The following KIAA0825 variants were observed in gnomAD, a reference collection of about 807,000 sequenced individuals.
KIAA0825 encodes the protein KIAA0825.
Under a neutral mutation model 147.6 loss-of-function variants are expected in KIAA0825, and 119 were observed. The ratio of observed to expected loss-of-function variants is 0.81; its 90% CI spans 0.69 to 0.94. KIAA0825 has a LOEUF of 0.94. Ranked by LOEUF, KIAA0825 falls within the 40% of genes least tolerant of loss-of-function variation. KIAA0825 has a pLI of 0.00. For missense variants in KIAA0825, 1,381 were observed against 1,472.7 expected (o/e 0.94, Z 1.02); for synonymous variants, 470 against 518.1 (o/e 0.91, Z 1.26).
At chr5:94,476,045 T>G (rs561633220) in intron 7 of KIAA0825, among the ~76,000 whole-genome samples, 1 of 152,322 alleles carries the variant, frequency 6.6e-6, no homozygotes, top group Non-Finnish European at 1.5e-5. Flanking sequence ...GAATCTCTAT[T>G]TCTATTATTT....
At chr5:94,365,397 C>T (rs1475969896) in intron 20 of KIAA0825, among the ~76,000 whole-genome samples, 2 of 152,198 alleles carry the variant, frequency 1.3e-5, no homozygotes, top group Non-Finnish European at 2.9e-5. Flanking sequence ...TAATACCAGT[C>T]TCTGAAGGCA....
chr5:94,287,577 C>G (rs1476538126), intron 20 of KIAA0825, among the ~76,000 whole-genome samples: 1 of 152,014 alleles, frequency 6.6e-6, no homozygotes, highest in Non-Finnish European at 1.5e-5. Flanking sequence ...TTGTATATTG[C>G]TTGTGTTAAA....
At chr5:94,446,400 A>C (rs1757730961) in intron 13 of KIAA0825, among the ~76,000 whole-genome samples, 1 of 152,198 alleles carries the variant, frequency 6.6e-6, no homozygotes, top group Non-Finnish European at 1.5e-5. Context: ...AAATGCTATT[A>C]GAAGTTGTAG....
At chr5:94,538,278 T>C (rs1772507134) in intron 2 of KIAA0825, among the ~76,000 whole-genome samples, 1 of 152,230 alleles carries the variant, frequency 6.6e-6, no homozygotes, top group Non-Finnish European at 1.5e-5. Context: ...TGAGCTATTT[T>C]ATTTAGGAAT....
intron 5 of KIAA0825, among the ~76,000 whole-genome samples, chr5:94,487,425 A>G (rs1763187032): frequency 6.6e-6 from 1 of 152,180 alleles, no homozygotes; most frequent in Admixed American, 6.5e-5. Flanking sequence ...ATTTTGTGAA[A>G]GGCCAATTAA....
At chr5:94,353,570 CA>C (rs1783931589) in intron 20 of KIAA0825, among the ~76,000 whole-genome samples, 1 of 152,048 alleles carries the variant, frequency 6.6e-6, no homozygotes, top group African/African-American at 2.4e-5. Context: ...TTACCACTAA[CA>C]GTATAGATAA....
chr5:94,237,644 C>A (rs970884728), intron 20 of KIAA0825, among the ~76,000 whole-genome samples: 4 of 152,158 alleles, frequency 2.6e-5, no homozygotes, highest in African/African-American at 9.7e-5. Flanking sequence ...TTACCACAGG[C>A]TCTTTGATGG....
intron 20 of KIAA0825, among the ~76,000 whole-genome samples, chr5:94,302,713 A>T (rs1050843764): frequency 1.3e-5 from 2 of 152,146 alleles, no homozygotes; most frequent in Non-Finnish European, 2.9e-5. Flanking sequence ...TTAAACAAAG[A>T]AAATGTAATG....
intron 20 of KIAA0825, among the ~76,000 whole-genome samples, chr5:94,193,466 G>T (rs375813788): frequency 4.6e-5 from 7 of 152,310 alleles, no homozygotes; most frequent in African/African-American, 1.7e-4. Context: ...TTCAGCCAAG[G>T]TTACACAGCT....
intron 20 of KIAA0825, among the ~76,000 whole-genome samples, chr5:94,297,723 G>A (rs759167115): frequency 2.0e-5 from 3 of 151,730 alleles, no homozygotes; most frequent in Non-Finnish European, 4.4e-5. Flanking sequence ...AGCCTTGTGA[G>A]TAATTGGGAT....
At chr5:94,592,150 A>C (rs1052710184) in intron 1 of KIAA0825, among the ~76,000 whole-genome samples, 1 of 152,224 alleles carries the variant, frequency 6.6e-6, no homozygotes, top group Admixed American at 6.5e-5. Context: ...AACTCATTTC[A>C]GCATTAACTC....
chr5:94,308,768 A>G (rs1778908502), intron 20 of KIAA0825, among the ~76,000 whole-genome samples: 2 of 151,730 alleles, frequency 1.3e-5, no homozygotes, highest in Admixed American at 1.3e-4. Flanking sequence ...CAATCTTAAG[A>G]GGTCTTTCAG....
intron 5 of KIAA0825, among the ~76,000 whole-genome samples, chr5:94,498,453 T>C (rs1764635644): frequency 6.6e-6 from 1 of 152,126 alleles, no homozygotes; most frequent in African/African-American, 2.4e-5. Context: ...CCAAAACAAT[T>C]GATGATTAAA....
chr5:94,244,491 C>T (rs1228516577), intron 20 of KIAA0825, among the ~76,000 whole-genome samples: 1 of 152,104 alleles, frequency 6.6e-6, no homozygotes, highest in Non-Finnish European at 1.5e-5. Flanking sequence ...CACCACCATG[C>T]CTGGCTAACT....
At chr5:94,331,184 AGAAAG>A (rs1562385213) in intron 20 of KIAA0825, among the ~76,000 whole-genome samples, 1 of 151,688 alleles carries the variant, frequency 6.6e-6, no homozygotes, top group Non-Finnish European at 1.5e-5. Context: ...GAAGAAGAGA[AGAAAG>A]GAAGGAAGGA....
At chr5:94,563,464 A>G (rs1035886491) in intron 2 of KIAA0825, among the ~76,000 whole-genome samples, 15 of 152,328 alleles carry the variant, frequency 9.8e-5, no homozygotes, top group Admixed American at 2.6e-4. Flanking sequence ...ACAGGTTATC[A>G]AAGTCCACTC....
At chr5:94,465,309 C>A (rs1026670778) in intron 10 of KIAA0825, among the ~76,000 whole-genome samples, 1 of 152,174 alleles carries the variant, frequency 6.6e-6, no homozygotes, top group Non-Finnish European at 1.5e-5. Context: ...CCTTGATTTA[C>A]CTACGCCTAG....
chr5:94,273,917 A>G (rs1482322986), intron 20 of KIAA0825, among the ~76,000 whole-genome samples: 1 of 152,170 alleles, frequency 6.6e-6, no homozygotes, highest in Non-Finnish European at 1.5e-5. Context: ...AGAAAAAAAT[A>G]TTAAGCTTAT....
chr5:94,440,136 G>A lies in KIAA0825; in HGVS notation c.2358-15C>T, dbSNP rs1409822859. ...CTGATGGAGTCCTTTCAAAATGCAA[G>A]ATAAAGATGGAGTAATGAAGTTAAT... On this transcript the variant is annotated splice_polypyrimidine_tract_variant and intron_variant, in intron 13 of 20. Coordinates refer to ENST00000682413, the MANE Select transcript of KIAA0825 (RefSeq NM_001145678.3). The A allele has an allele frequency of 5.8e-6, 9 of 1,549,660 alleles. No individual in the cohort carries two copies. The highest frequency in any genetic ancestry group is 2.4e-5 in the South Asian group (2 of 83,762).
Sources: gnomAD v4.1 joint callset for allele counts (sites outside exome capture counted in the v4.1 genomes callset) on GRCh38, gnomAD v4.1.1 for gene constraint, MANE v1.5 for transcripts, NCBI Gene and HGNC (gene_info 2026-07-23, HGNC 2026-07-21) for gene names.